Variants in REXO5 observed in about 807,000 individuals in gnomAD.
REXO5 encodes exonuclease NEF-sp.
Under a neutral mutation model 88.5 loss-of-function variants are expected in REXO5, and 48 were observed. The ratio of observed to expected loss-of-function variants is 0.54; its 90% CI spans 0.43 to 0.69. REXO5 has a LOEUF of 0.69. REXO5 is among the 30% of genes least tolerant of loss of function. The pLI, the probability that REXO5 is intolerant of heterozygous loss-of-function variation, is 0.00. For synonymous variants in REXO5, 311 were observed against 336.5 expected (o/e 0.92, Z 0.83); for missense variants, 749 against 912.2 (o/e 0.82, Z 2.30).
intron 3 of REXO5, 44 bp downstream of exon 3, chr16:20,813,346 T>TTC: frequency 3.1e-5 from 7 of 229,466 alleles, no homozygotes; most frequent in Non-Finnish European, 3.8e-5. Flanking sequence ...AGCGGTTTCT[T>TTC]TTTTTTTTTT....
intron 15 of REXO5, 37 bp from the exon 16 acceptor site, chr16:20,843,896 TG>T: frequency 7.0e-7 from 1 of 1,436,474 alleles, no homozygotes; most frequent in Non-Finnish European, 9.8e-7. Flanking sequence ...CAGTTTGAGC[TG>T]GAAAGCAATG....
chr16:20,829,205 ATTG>A lies in REXO5; in HGVS notation c.1158+672_1158+674del, dbSNP rs761633278. ...ATGGGAATACACACTTTTCTGGGAT[ATTG>A]TTGAGAGTAAATGAGATATTGTGTA... On this transcript the variant is annotated intron_variant, in intron 11 of 19. Transcript: ENST00000261377. Among the ~76,000 whole-genome samples the A allele has an allele frequency of 5.3e-5, 8 of 152,280 alleles. No homozygotes were observed. In the East Asian group the frequency reaches 5.8e-4, roughly 11 times the overall value.
intron 15 of REXO5, among the ~76,000 whole-genome samples, chr16:20,843,368 T>C (rs761527854): frequency 1.6e-4 from 25 of 152,212 alleles, no homozygotes; most frequent in Non-Finnish European, 1.6e-4. Flanking sequence ...TACAAAAGGT[T>C]TTAATTTTTA....
intron 5 of REXO5, among the ~76,000 whole-genome samples, chr16:20,819,899 C>A (rs1241735562): frequency 6.6e-6 from 1 of 152,120 alleles, no homozygotes; most frequent in African/African-American, 2.4e-5. Context: ...CTAAGACTTG[C>A]AGTTATGCAC....
chr16:20,817,857 A>T (rs1033730917), intron 5 of REXO5, among the ~76,000 whole-genome samples: 2 of 152,234 alleles, frequency 1.3e-5, no homozygotes, highest in East Asian at 3.8e-4. Context: ...CCCAGATTGC[A>T]GGCCTGCATT....
At chr16:20,823,865 T>C (rs919293580) in intron 6 of REXO5, among the ~76,000 whole-genome samples, 4 of 152,208 alleles carry the variant, frequency 2.6e-5, no homozygotes, top group African/African-American at 9.7e-5. Flanking sequence ...GTAGGAAATA[T>C]GTGATTCCAG....
In REXO5 at chr16:20,807,092, G is replaced by C. The variant is rs916066224; in HGVS notation, c.138+1G>C. 4 of 1,601,118 alleles carry C rather than the reference G, an allele frequency of 2.5e-6. No individual in the cohort carries two copies. The Admixed American group carries it at 5.2e-5, about 21-fold the overall frequency. ...CGAGGAGAGTCAGCCCGAGGCCAAG[G>C]TGAGCAACGGGGATCCCGAGCAGGC... On this transcript the variant is annotated splice_donor_variant, in intron 2 of 19. Transcript: ENST00000261377. LOFTEE classifies it high-confidence loss of function.
rs1416310020 is a variant in REXO5, at chr16:20,844,756, T to G, written c.1847T>G (p.Leu616Trp). The change falls in exon 17 of 20, where the codon TTG (leucine) becomes TGG (tryptophan). Residue 616 changes from leucine to tryptophan, a missense_variant. Leu to Trp is a moderately conservative substitution (Grantham distance 61, BLOSUM62 -2). Transcript: ENST00000261377. ...GVSETFKEQL[L>W]QEPRLFLGLE... ...AGTGAAACCTTCAAAGAACAGCTAT[T>G]GCAGGAGCCCCGCCTCTTTCTTGGC... 1 of 1,614,090 alleles carries G rather than the reference T, an allele frequency of 6.2e-7. No homozygotes were observed. Among genetic ancestry groups the G allele is most frequent in the African/African-American group, 1.3e-5 (1 of 74,924 alleles).
rs762380634 is a variant in REXO5, at chr16:20,827,121, G to A, written c.885G>A (p.Arg295=). Residue 295 remains arginine, a synonymous_variant, in exon 9 of 20, where the codon AGG becomes AGA. Transcript: ENST00000261377. ...PVTTKLKDVQ[R]QLKALLPPDA... ...CGACCAAACTCAAAGATGTACAGAG[G>A]CAGTTAAAAGCACTGCTTCCTCCTG... 6.2e-7 allele frequency: 1 copy of A among 1,613,990 alleles called. No homozygotes were observed. Among genetic ancestry groups the A allele is most frequent in the Non-Finnish European group, 8.5e-7 (1 of 1,179,966 alleles).
Position 20,846,226 on chromosome 16 carries a change from G to C in REXO5, c.2130G>C (p.Leu710=). Residue 710 remains leucine, a synonymous_variant, in exon 19 of 20, where the codon CTG becomes CTC. Coordinates refer to ENST00000261377, the MANE Select transcript of REXO5 (RefSeq NM_030941.3). Reference sequence around the variant, plus strand: ...ACACATGGCTTTGATCCCAGACTCTGAAACTGGACCACCCGAAGATAGCAG... The same window carrying C: ...ACACATGGCTTTGATCCCAGACTCTCAAACTGGACCACCCGAAGATAGCAG... ...PPFEQEALQT[L]KLDHPKIAAW... 6.2e-7 allele frequency: 1 copy of C among 1,613,838 alleles called. No individual in the cohort carries two copies. The highest frequency in any genetic ancestry group is 2.2e-5 in the East Asian group (1 of 44,872).
intron 11 of REXO5, among the ~76,000 whole-genome samples, chr16:20,831,190 C>T (rs1313807083): frequency 6.6e-6 from 1 of 151,920 alleles, no homozygotes; most frequent in East Asian, 1.9e-4. Context: ...GAAAGAACAT[C>T]ATTGTTTTAG....
chr16:20,827,112 T>C lies in REXO5; in HGVS notation c.876T>C (p.Asp292=), dbSNP rs754162414. 2 of 1,614,088 alleles carry C rather than the reference T, an allele frequency of 1.2e-6. No individual in the cohort carries two copies. The highest frequency in any genetic ancestry group is 1.7e-5 in the Admixed American group (1 of 60,012). Reference sequence around the variant, plus strand: ...ACCCAGTGACGACCAAACTCAAAGATGTACAGAGGCAGTTAAAAGCACTGC... The same window carrying C: ...ACCCAGTGACGACCAAACTCAAAGACGTACAGAGGCAGTTAAAAGCACTGC... ...ILNPVTTKLK[D]VQRQLKALLP... The change falls in exon 9 of 20, where the codon GAT becomes GAC. Residue 292 remains aspartate, a synonymous_variant. Coordinates refer to ENST00000261377, the MANE Select transcript of REXO5 (RefSeq NM_030941.3).
chr16:20,821,826 T>C lies in REXO5; in HGVS notation c.540T>C (p.Tyr180=). Reference sequence around the variant, plus strand: ...AGGATGATCCCATCATTCAAAAGTATGGCTCTAAGAAAGTGGGCTTGACCA... The same window carrying C: ...AGGATGATCCCATCATTCAAAAGTACGGCTCTAAGAAAGTGGGCTTGACCA... ...NLQDDPIIQK[Y]GSKKVGLTRC... is the part of the protein sequence containing the mutation. The change falls in exon 6 of 20, where the codon TAT becomes TAC. Residue 180 remains tyrosine, a synonymous_variant. Transcript: ENST00000261377. The C allele has an allele frequency of 1.9e-6, 3 of 1,609,182 alleles. No homozygotes were observed. Among genetic ancestry groups the C allele is most frequent in the Non-Finnish European group, 2.5e-6 (3 of 1,178,740 alleles).
At chr16:20,841,923 A>G (rs542875233) in intron 15 of REXO5, among the ~76,000 whole-genome samples, 6 of 152,312 alleles carry the variant, frequency 3.9e-5, no homozygotes, top group African/African-American at 1.2e-4. Context: ...TGGCTTTTCT[A>G]TGACTAAAAA....
At chr16:20,806,851 T>G in intron 1 of REXO5, 101 bp from the exon 2 acceptor site, 1 of 1,452,886 alleles carries the variant, frequency 6.9e-7, no homozygotes, top group Non-Finnish European at 9.1e-7. Context: ...CCGAGGGAGG[T>G]TGAAAGCTGT....
At chr16:20,823,944 C>T (rs1166806255) in intron 6 of REXO5, among the ~76,000 whole-genome samples, 1 of 152,154 alleles carries the variant, frequency 6.6e-6, no homozygotes, top group African/African-American at 2.4e-5. Context: ...TGGAGGGACA[C>T]ATATGGTGAA....
chr16:20,822,262 A>T (rs2081196642), intron 6 of REXO5, among the ~76,000 whole-genome samples: 1 of 152,162 alleles, frequency 6.6e-6, no homozygotes, highest in African/African-American at 2.4e-5. Context: ...AGTACTTCTA[A>T]TTCTCCTCCC....
chr16:20,824,902 G>A (rs960541410), intron 7 of REXO5, among the ~76,000 whole-genome samples: 10 of 151,948 alleles, frequency 6.6e-5, no homozygotes, highest in Non-Finnish European at 1.3e-4. Flanking sequence ...CCAGGTACTC[G>A]GGAGGCTGAG....
At chr16:20,826,081 T>C in intron 8 of REXO5, 133 bp downstream of exon 8, 2 of 613,556 alleles carry the variant, frequency 3.3e-6, no homozygotes, top group Non-Finnish European at 2.9e-6. Context: ...GGGCATCACA[T>C]AGGTATATTT....
Sources: allele counts gnomAD v4.1 joint callset (sites outside exome capture counted in the v4.1 genomes callset), GRCh38; gene constraint gnomAD v4.1.1; transcripts MANE v1.5; gene names NCBI Gene and HGNC (gene_info 2026-07-23, HGNC 2026-07-21).